Variants in CACNA2D3 observed in about 807,000 individuals in gnomAD.
CACNA2D3 encodes the protein calcium voltage-gated channel auxiliary subunit alpha2delta 3, also known as voltage-dependent calcium channel subunit alpha-2/delta-3.
In CACNA2D3, 60 loss-of-function variants were observed where a neutral mutation model predicts 160.6. That is an observed-to-expected ratio of 0.37 (90% confidence interval 0.30 to 0.46). The LOEUF is 0.46. Ranked by LOEUF, CACNA2D3 falls within the 20% of genes least tolerant of loss-of-function variation. The probability of loss-of-function intolerance (pLI) is 1.00; values close to 1 mark genes in which losing one functional copy is unlikely to be tolerated. For missense variants in CACNA2D3, 1,205 were observed against 1,365.0 expected, an observed-to-expected ratio of 0.88 and a Z score of 1.85; for synonymous variants, 558 against 492.9, an observed-to-expected ratio of 1.13 and a Z score of -1.75.
intron 17 of CACNA2D3, among the ~76,000 whole-genome samples, chr3:54,859,751 T>G (rs115897225): frequency 0.02 from 3,062 of 152,192 alleles, 87 homozygotes; most frequent in African/African-American, 0.07. Flanking sequence ...GGTTCAGGTC[T>G]TAAATTCCAT....
At chr3:54,618,377 A>ATATATATATATATATATG (rs1261954509) in intron 9 of CACNA2D3, among the ~76,000 whole-genome samples, 8 of 122,038 alleles carry the variant, frequency 6.6e-5, no homozygotes, top group Non-Finnish European at 1.0e-4. Context: ...ATATATATGC[A>ATATATATATATATATATG]CACACACACA....
At chr3:54,719,664 G>C (rs991602210) in intron 11 of CACNA2D3, among the ~76,000 whole-genome samples, 6 of 151,910 alleles carry the variant, frequency 3.9e-5, no homozygotes, top group Non-Finnish European at 7.4e-5. Flanking sequence ...GCCTCAAAAT[G>C]AGTTGGGCAG....
chr3:54,678,734 A>T, intron 11 of CACNA2D3, among the ~76,000 whole-genome samples: 1 of 147,048 alleles, frequency 6.8e-6, no homozygotes, highest in Admixed American at 6.7e-5. Flanking sequence ...AAAAAAAAAA[A>T]AAAAAAAAAA....
chr3:54,296,025 G>A (rs1406858859), intron 2 of CACNA2D3, among the ~76,000 whole-genome samples: 10 of 152,290 alleles, frequency 6.6e-5, no homozygotes, highest in African/African-American at 2.2e-4. Flanking sequence ...AGGTTGGCAG[G>A]GTTCAGTTGG....
chr3:54,286,116 C>T (rs922347549), intron 2 of CACNA2D3, among the ~76,000 whole-genome samples: 17 of 151,928 alleles, frequency 1.1e-4, no homozygotes, highest in Non-Finnish European at 1.9e-4. Flanking sequence ...AGGCTTCAGA[C>T]GATCAAACTA....
chr3:54,831,865 A>G (rs1703885431), intron 14 of CACNA2D3, among the ~76,000 whole-genome samples: 1 of 152,160 alleles, frequency 6.6e-6, no homozygotes, highest in Admixed American at 6.5e-5. Context: ...AAGCTAAAAG[A>G]GAAAACTTAT....
At chr3:54,238,525 T>G (rs1334506927) in intron 2 of CACNA2D3, among the ~76,000 whole-genome samples, 9 of 152,202 alleles carry the variant, frequency 5.9e-5, no homozygotes, top group Non-Finnish European at 1.3e-4. Flanking sequence ...TCACAGAGCT[T>G]CTTATGATTG....
chr3:54,471,017 C>G (rs766244817), intron 4 of CACNA2D3, among the ~76,000 whole-genome samples: 2 of 152,088 alleles, frequency 1.3e-5, no homozygotes, highest in Non-Finnish European at 2.9e-5. Flanking sequence ...AGAAAATTAA[C>G]AAGGATATTC....
At chr3:54,834,783 A>G (rs539858039) in intron 14 of CACNA2D3, among the ~76,000 whole-genome samples, 2 of 152,284 alleles carry the variant, frequency 1.3e-5, no homozygotes, top group East Asian at 1.9e-4. Flanking sequence ...GGGTTACACA[A>G]TTGTGGGGCT....
intron 2 of CACNA2D3, among the ~76,000 whole-genome samples, chr3:54,225,527 TTC>T (rs1701655357): frequency 6.6e-6 from 1 of 152,222 alleles, no homozygotes; most frequent in African/African-American, 2.4e-5. Flanking sequence ...TCTGAATATT[TTC>T]TGTTGACTTA....
At chr3:55,051,993 C>G (rs532830441) in intron 35 of CACNA2D3, among the ~76,000 whole-genome samples, 2 of 152,138 alleles carry the variant, frequency 1.3e-5, no homozygotes, top group East Asian at 3.9e-4. Context: ...CCATGACCTG[C>G]GCCCACTGTC....
chr3:54,791,922 G>A (rs1291631903), intron 13 of CACNA2D3, among the ~76,000 whole-genome samples: 1 of 152,150 alleles, frequency 6.6e-6, no homozygotes, highest in African/African-American at 2.4e-5. Flanking sequence ...AGAGAAGATG[G>A]TTCTAAACAA....
chr3:54,478,805 G>A (rs1445097720), intron 4 of CACNA2D3, among the ~76,000 whole-genome samples: 2 of 149,970 alleles, frequency 1.3e-5, no homozygotes, highest in African/African-American at 4.9e-5. Flanking sequence ...CAGATCTGCT[G>A]TTGTGGTATG....
At chr3:54,465,430 T>G (rs1700604569) in intron 4 of CACNA2D3, among the ~76,000 whole-genome samples, 1 of 152,226 alleles carries the variant, frequency 6.6e-6, no homozygotes, top group African/African-American at 2.4e-5. Context: ...TGTGCCTAAT[T>G]TATAAATTAA....
intron 2 of CACNA2D3, among the ~76,000 whole-genome samples, chr3:54,291,749 G>A (rs1010214999): frequency 6.6e-6 from 1 of 152,146 alleles, no homozygotes; most frequent in East Asian, 1.9e-4. Flanking sequence ...GATGTCTGGT[G>A]GACATAGTTA....
rs561794372 is a variant in CACNA2D3, at chr3:55,017,032, A to G, written c.2876-1174A>G. The stretch of plus-strand genomic sequence containing the variant: ...CTCCCCGTAGTTCTGCCCACCAACC[A>G]GTTATATTTGGAATGTAACATGAGA... On this transcript the variant is annotated intron_variant, in intron 34 of 37. Transcript: ENST00000474759. Among the ~76,000 whole-genome samples the G allele has an allele frequency of 3.0e-3, 455 of 152,318 alleles. 2 individuals carry two copies. Among genetic ancestry groups the G allele is most frequent in the African/African-American group, 0.01 (432 of 41,576 alleles).
At chr3:54,789,526 G>T (rs544655709) in intron 13 of CACNA2D3, among the ~76,000 whole-genome samples, 1 of 152,262 alleles carries the variant, frequency 6.6e-6, no homozygotes, top group African/African-American at 2.4e-5. Flanking sequence ...ATGCTTCTCA[G>T]ATCTGTGTGC....
At chr3:54,936,041 G>T (rs1470847645) in intron 27 of CACNA2D3, among the ~76,000 whole-genome samples, 1 of 152,054 alleles carries the variant, frequency 6.6e-6, no homozygotes, top group Non-Finnish European at 1.5e-5. Flanking sequence ...ACATTTACTG[G>T]CTGTGTGGCC....
chr3:54,125,040 C>T (rs1699560747), intron 2 of CACNA2D3, among the ~76,000 whole-genome samples: 1 of 152,114 alleles, frequency 6.6e-6, no homozygotes, highest in Non-Finnish European at 1.5e-5. Flanking sequence ...GTAGCATTGC[C>T]TTTATATTTT....
Sources: allele counts gnomAD v4.1 joint callset (sites outside exome capture counted in the v4.1 genomes callset), GRCh38; gene constraint gnomAD v4.1.1; transcripts MANE v1.5; gene names NCBI Gene and HGNC (gene_info 2026-07-23, HGNC 2026-07-21).